SKIL: variants seen among roughly 807,000 people sequenced by gnomAD.
SKIL encodes ski-like protein.
A neutral mutation model predicts 69.6 loss-of-function variants in SKIL; 20 were observed. The observed-to-expected ratio is 0.29, with a 90% CI of 0.20 to 0.42. SKIL has a LOEUF of 0.42. Among genes scored for constraint, SKIL ranks in the 10% least tolerant of loss-of-function variants. The probability of loss-of-function intolerance (pLI) is 1.00; values close to 1 mark genes in which losing one functional copy is unlikely to be tolerated. For missense variants in SKIL, 745 were observed against 783.1 expected (o/e 0.95, Z 0.58); for synonymous variants, 310 against 279.9 (o/e 1.11, Z -1.08).
intron 2 of SKIL, among the ~76,000 whole-genome samples, chr3:170,370,105 G>A (rs1387926742): frequency 6.6e-6 from 1 of 152,012 alleles, no homozygotes; most frequent in Admixed American, 6.6e-5. Context: ...CGGGCGCGGT[G>A]GCAGGCGCCT....
In SKIL at chr3:170,361,198, T is replaced by C; in HGVS notation, c.867T>C (p.Ile289=). The C allele has an allele frequency of 6.2e-7, 1 of 1,614,230 alleles. No homozygotes were observed. ...QFYVQPDAPC[I]QCLECCGMFA... is the part of the protein sequence containing the mutation. ...ATGTTCAGCCTGATGCTCCGTGTAT[T>C]CAATGTCTGGAGTGTTGTGGAATGT... is the stretch of plus-strand genomic sequence containing the variant. The change falls in exon 2 of 7, where the codon ATT becomes ATC. Residue 289 remains isoleucine, a synonymous_variant. Transcript: ENST00000259119.
chr3:170,374,312 T>C (rs1052689357), intron 2 of SKIL, among the ~76,000 whole-genome samples: 5 of 152,180 alleles, frequency 3.3e-5, no homozygotes, highest in African/African-American at 9.7e-5. Context: ...ATTTTGCTTA[T>C]GTGTTTGAAA....
chr3:170,366,896 AAGT>A (rs1736556682), intron 2 of SKIL, among the ~76,000 whole-genome samples: 1 of 152,228 alleles, frequency 6.6e-6, no homozygotes, highest in Admixed American at 6.5e-5. Context: ...GCAAAATCAG[AAGT>A]AGATCAAATA....
intron 3 of SKIL, among the ~76,000 whole-genome samples, chr3:170,383,512 T>C (rs1577437832): frequency 6.6e-6 from 1 of 152,224 alleles, no homozygotes; most frequent in East Asian, 1.9e-4. Flanking sequence ...TAGCTGAAAT[T>C]TGTTTGTCCC....
rs1553854252 is a variant in SKIL, at chr3:170,380,655, A to AAAT, written c.1099-587_1099-586insTAA. On this transcript the variant is annotated intron_variant, in intron 2 of 6. Transcript: ENST00000259119. ...GAGACTCCATCTCAAAAAAAAAAAA[A>AAAT]AAATAAATAAATAAAATAGATTTCG... is the stretch of plus-strand genomic sequence containing the variant. 8.2e-4 allele frequency among the ~76,000 whole-genome samples: 124 copies of AAAT among 151,402 alleles called. No homozygotes were observed. The Middle Eastern group carries it at 0.01, about 13-fold the overall frequency.
At chr3:170,391,384 C>A in intron 6 of SKIL, 124 bp downstream of exon 6, 1 of 609,070 alleles carries the variant, frequency 1.6e-6, no homozygotes, top group Non-Finnish European at 2.9e-6. Context: ...GTGGCACAAT[C>A]TCAGCTCCCC....
At chr3:170,391,345 G>A (rs1737907720) in intron 6 of SKIL, 85 bp downstream of exon 6, 2 of 762,846 alleles carry the variant, frequency 2.6e-6, no homozygotes, top group Non-Finnish European at 4.2e-6. Flanking sequence ...TTGAGACAGA[G>A]ACTGCTCTGT....
chr3:170,388,444 T>C (rs895054728), intron 4 of SKIL, among the ~76,000 whole-genome samples: 2 of 152,310 alleles, frequency 1.3e-5, no homozygotes, highest in Admixed American at 6.5e-5. Flanking sequence ...CTTTTTACTT[T>C]CTTGTTAGTG....
chr3:170,386,946 A>T (rs1560219985), intron 4 of SKIL, among the ~76,000 whole-genome samples: 2 of 152,180 alleles, frequency 1.3e-5, no homozygotes, highest in African/African-American at 4.8e-5. Flanking sequence ...TAAAGCCTAC[A>T]ATTCAGTGGT....
intron 2 of SKIL, among the ~76,000 whole-genome samples, chr3:170,380,766 G>C (rs547534163): frequency 1.3e-4 from 20 of 152,118 alleles, no homozygotes; most frequent in Non-Finnish European, 2.4e-4. Flanking sequence ...TAGTTCATGT[G>C]GGTGTCTCTG....
At chr3:170,363,986 T>C (rs2108894268) in intron 2 of SKIL, among the ~76,000 whole-genome samples, 1 of 152,294 alleles carries the variant, frequency 6.6e-6, no homozygotes, top group Non-Finnish European at 1.5e-5. Context: ...AGTCTTGCTC[T>C]GTCGCCGAGG....
Position 170,361,075 on chromosome 3 carries a change from T to C in SKIL, c.744T>C (p.Ala248=). 1 of 1,614,266 alleles carries C rather than the reference T, an allele frequency of 6.2e-7. No individual in the cohort carries two copies. The highest frequency in any genetic ancestry group is 8.5e-7 in the Non-Finnish European group (1 of 1,180,052). ...TFPQNGSVLP[A]KSSLAQLKET... ...CTCAAAATGGTAGCGTACTTCCTGC[T>C]AAAAGCTCATTGGCCCAGTTAAAGG... Residue 248 remains alanine, a synonymous_variant, in exon 2 of 7, where the codon GCT becomes GCC. Coordinates refer to ENST00000259119, the MANE Select transcript of SKIL (RefSeq NM_005414.5).
intron 4 of SKIL, among the ~76,000 whole-genome samples, chr3:170,389,373 G>A (rs528994301): frequency 6.3e-4 from 95 of 150,522 alleles, no homozygotes; most frequent in African/African-American, 2.1e-3. Flanking sequence ...GAGTGCAGTG[G>A]CGCTATCTCG....
At chr3:170,375,546 T>C (rs1431586384) in intron 2 of SKIL, among the ~76,000 whole-genome samples, 1 of 152,248 alleles carries the variant, frequency 6.6e-6, no homozygotes, top group Admixed American at 6.5e-5. Context: ...CTTTGAAATA[T>C]ATAAATCAAT....
At chr3:170,363,954 T>C (rs986015581) in intron 2 of SKIL, among the ~76,000 whole-genome samples, 9 of 152,062 alleles carry the variant, frequency 5.9e-5, no homozygotes, top group Non-Finnish European at 1.0e-4. Flanking sequence ...TTAGGTGCTG[T>C]ACTTTTTTTT....
intron 2 of SKIL, among the ~76,000 whole-genome samples, chr3:170,367,936 G>A (rs1444535547): frequency 3.3e-5 from 5 of 152,140 alleles, no homozygotes; most frequent in African/African-American, 4.8e-5. Flanking sequence ...CGTATTAGCC[G>A]TTTGAGAGTT....
chr3:170,384,067 C>A (rs915666536), intron 3 of SKIL, among the ~76,000 whole-genome samples: 3 of 150,104 alleles, frequency 2.0e-5, no homozygotes, highest in Admixed American at 2.0e-4. Flanking sequence ...AAATTACTTG[C>A]AAGCTGGTTA....
chr3:170,369,419 G>T (rs914854788), intron 2 of SKIL, among the ~76,000 whole-genome samples: 7 of 150,778 alleles, frequency 4.6e-5, no homozygotes, highest in African/African-American at 1.2e-4. Context: ...TTTTTTTTTT[G>T]ATAAGGAGTT....
chr3:170,386,906 A>G (rs938278534), intron 4 of SKIL, among the ~76,000 whole-genome samples: 4 of 152,260 alleles, frequency 2.6e-5, no homozygotes, highest in African/African-American at 9.6e-5. Flanking sequence ...AATTATTGAG[A>G]TAATTTATAT....
Sources: allele counts gnomAD v4.1 joint callset (sites outside exome capture counted in the v4.1 genomes callset), GRCh38; gene constraint gnomAD v4.1.1; transcripts MANE v1.5; gene names NCBI Gene and HGNC (gene_info 2026-07-23, HGNC 2026-07-21).